Variants in CCNY observed in about 807,000 individuals in gnomAD.
CCNY encodes cyclin Y.
A neutral mutation model predicts 42.8 loss-of-function variants in CCNY; 19 were observed. That is an observed-to-expected ratio of 0.44 (90% CI 0.31 to 0.65). The LOEUF (loss-of-function observed/expected upper bound fraction) is 0.65. CCNY is among the 30% of genes least tolerant of loss of function. The pLI is 0.07. For synonymous variants in CCNY, 165 were observed against 162.7 expected (o/e 1.01, Z -0.11); for missense variants, 370 against 437.3 (o/e 0.85, Z 1.37).
Position 35,472,486 on chromosome 10 carries a change from T to C in CCNY, c.155-10918T>C, listed in dbSNP as rs79239429. Among the ~76,000 whole-genome samples the C allele has an allele frequency of 5.0e-3, 763 of 152,286 alleles. 6 individuals carry two copies. The highest frequency in any genetic ancestry group is 0.01 in the Middle Eastern group (3 of 294). On this transcript the variant is annotated intron_variant, in intron 1 of 9. Coordinates refer to ENST00000374704, the MANE Select transcript of CCNY (RefSeq NM_145012.6). ...CCTCTAGTACCTTATACCTTCAACT[T>C]AGAAGGATGCTCTTGTAGGGCTGGG...
chr10:35,469,899 G>C (rs2135343799), intron 1 of CCNY, among the ~76,000 whole-genome samples: 1 of 151,596 alleles, frequency 6.6e-6, no homozygotes, highest in Non-Finnish European at 1.5e-5. Context: ...TGGAGAGACA[G>C]ACAGGGAGGT....
At chr10:35,549,685 C>T (rs557828034) in intron 7 of CCNY, among the ~76,000 whole-genome samples, 98 of 139,342 alleles carry the variant, frequency 7.0e-4, no homozygotes, top group African/African-American at 1.4e-3. Flanking sequence ...CGTGACCCTG[C>T]GCTGCTCATG....
chr10:35,465,965 G>C (rs61843291), intron 1 of CCNY, among the ~76,000 whole-genome samples: 1 of 151,538 alleles, frequency 6.6e-6, no homozygotes, highest in Admixed American at 6.6e-5. Context: ...GTGTGTCTGT[G>C]TGTGTGTGTG....
intron 3 of CCNY, among the ~76,000 whole-genome samples, chr10:35,296,324 A>G (rs999162295): frequency 6.6e-6 from 1 of 152,244 alleles, no homozygotes; most frequent in African/African-American, 2.4e-5. Context: ...TCACGCCTGT[A>G]ATTTCAGGAC....
chr10:35,248,955 T>C (rs906379996), intron 2 of CCNY, among the ~76,000 whole-genome samples: 16 of 152,218 alleles, frequency 1.1e-4, no homozygotes, highest in African/African-American at 3.9e-4. Context: ...AGGTTTGTTT[T>C]GTTTGGTTCA....
Position 35,464,563 on chromosome 10 carries a change from C to CT in CCNY, c.155-18827dup, listed in dbSNP as rs113364772. On this transcript the variant is annotated intron_variant, in intron 1 of 9. Coordinates refer to ENST00000374704, the MANE Select transcript of CCNY (RefSeq NM_145012.6). ...TGGTGCGTCTCAAATGCCCAGTATG[C>CT]TTTTTTTTTTTTTTAAATTAACCCT... Among the ~76,000 whole-genome samples, 290 of 143,774 alleles carry CT rather than the reference C, an allele frequency of 2.0e-3. 1 individual carries two copies. Among genetic ancestry groups the CT allele is most frequent in the Middle Eastern group, 3.6e-3 (1 of 280 alleles). 94.3% of individuals were successfully genotyped at this position (143,774 alleles called of 152,430 possible). A position where few individuals can be genotyped will look rare whatever the true frequency, so the allele number is the denominator to read the frequency against.
intron 7 of CCNY, among the ~76,000 whole-genome samples, chr10:35,542,231 G>A (rs1841016988): frequency 6.6e-6 from 1 of 150,596 alleles, no homozygotes; most frequent in South Asian, 2.1e-4. Flanking sequence ...TTTTTTTGTA[G>A]AATGTCCCTA....
chr10:35,440,766 G>A (rs1333547611), intron 1 of CCNY, among the ~76,000 whole-genome samples: 3 of 152,178 alleles, frequency 2.0e-5, no homozygotes, highest in African/African-American at 4.8e-5. Flanking sequence ...AATTGCACAC[G>A]TGGGACTCCA....
intron 1 of CCNY, among the ~76,000 whole-genome samples, chr10:35,457,826 C>T (rs538034901): frequency 6.6e-6 from 1 of 152,282 alleles, no homozygotes; most frequent in South Asian, 2.1e-4. Flanking sequence ...GTGATCCACC[C>T]GCCTCGGCCT....
chr10:35,366,911 T>C (rs1176650509), intron 1 of CCNY, among the ~76,000 whole-genome samples: 1 of 152,218 alleles, frequency 6.6e-6, no homozygotes, highest in African/African-American at 2.4e-5. Flanking sequence ...GCAGCACAGA[T>C]TGAGGGCTAC....
intron 3 of CCNY, among the ~76,000 whole-genome samples, chr10:35,265,940 A>G (rs2095724719): frequency 6.6e-6 from 1 of 152,138 alleles, no homozygotes; most frequent in Non-Finnish European, 1.5e-5. Context: ...AGCCAGCCCC[A>G]CTCTTTACAT....
At chr10:35,273,443 GATCT>G (rs1394375011) in intron 3 of CCNY, among the ~76,000 whole-genome samples, 9 of 152,120 alleles carry the variant, frequency 5.9e-5, no homozygotes, top group Non-Finnish European at 1.3e-4. Flanking sequence ...GACCTCAAGT[GATCT>G]GCCTGTCTCA....
chr10:35,285,960 G>A (rs781780319), intron 3 of CCNY, among the ~76,000 whole-genome samples: 3 of 151,942 alleles, frequency 2.0e-5, no homozygotes, highest in Non-Finnish European at 4.4e-5. Context: ...TTACAGGCAC[G>A]TGGCACCATG....
At chr10:35,520,601 A>G (rs893160846) in intron 4 of CCNY, among the ~76,000 whole-genome samples, 1 of 152,198 alleles carries the variant, frequency 6.6e-6, no homozygotes, top group Non-Finnish European at 1.5e-5. Context: ...TTGGAAAATA[A>G]TCCACCTGTA....
At chr10:35,564,025 T>C (rs1841518204) in intron 8 of CCNY, among the ~76,000 whole-genome samples, 1 of 151,958 alleles carries the variant, frequency 6.6e-6, no homozygotes, top group South Asian at 2.1e-4. Flanking sequence ...TATAGGCATG[T>C]GCCACCATGC....
At chr10:35,524,589 G>A (rs926589368) in intron 4 of CCNY, among the ~76,000 whole-genome samples, 6 of 152,172 alleles carry the variant, frequency 3.9e-5, no homozygotes, top group African/African-American at 1.4e-4. Flanking sequence ...GTCTGTTGCA[G>A]CCAGTTACCT....
intron 7 of CCNY, among the ~76,000 whole-genome samples, chr10:35,534,268 C>A (rs1454018811): frequency 6.6e-6 from 1 of 152,156 alleles, no homozygotes; most frequent in Admixed American, 6.5e-5. Flanking sequence ...GTGATCTGCC[C>A]ACCTCAGCCT....
At chr10:35,486,358 T>C (rs557721597) in intron 2 of CCNY, among the ~76,000 whole-genome samples, 3 of 152,360 alleles carry the variant, frequency 2.0e-5, no homozygotes, top group Admixed American at 6.5e-5. Flanking sequence ...GTTAAACATT[T>C]ACTAGTACAC....
chr10:35,269,269 A>ATTTC (rs952254877), intron 3 of CCNY, among the ~76,000 whole-genome samples: 11 of 149,432 alleles, frequency 7.4e-5, no homozygotes, highest in African/African-American at 2.5e-4. Flanking sequence ...CAAATAATCT[A>ATTTC]CTTCCTTCCT....
Sources: allele counts gnomAD v4.1 joint callset (sites outside exome capture counted in the v4.1 genomes callset), GRCh38; gene constraint gnomAD v4.1.1; transcripts MANE v1.5; gene names NCBI Gene and HGNC (gene_info 2026-07-23, HGNC 2026-07-21).